Variants in IGF2BP2 observed in about 807,000 individuals in gnomAD.
The protein encoded by IGF2BP2 is insulin like growth factor 2 mRNA binding protein 2, also known as insulin-like growth factor 2 mRNA-binding protein 2.
In IGF2BP2, 17 loss-of-function variants were observed where a neutral mutation model predicts 75.8. The observed-to-expected ratio is 0.22, with a 90% confidence interval of 0.15 to 0.34. The LOEUF (loss-of-function observed/expected upper bound fraction) is 0.34. IGF2BP2 is among the 10% of genes least tolerant of loss of function. IGF2BP2 has a pLI of 1.00. For synonymous variants in IGF2BP2, 288 were observed against 295.6 expected (o/e 0.97, Z 0.26); for missense variants, 516 against 772.4 (o/e 0.67, Z 3.93).
chr3:185,647,015 A>G lies in IGF2BP2; in HGVS notation c.1707+10T>C, dbSNP rs1355108455. 1 of 1,597,384 alleles carries G rather than the reference A, an allele frequency of 6.3e-7. No individual in the cohort carries two copies. The highest frequency in any genetic ancestry group is 2.2e-5 in the East Asian group (1 of 44,802). On this transcript the variant is annotated intron_variant, in intron 15 of 15. Coordinates refer to ENST00000382199, the MANE Select transcript of IGF2BP2 (RefSeq NM_006548.6). The surrounding 1 kb of genome is among the most constrained non-coding windows in gnomAD (Gnocchi z 4.9). ...CTTGCAGGAGAGACAGGGCCCTCAC[A>G]GCACAGTACCTGGCTAGCAAAGAAG... is the stretch of plus-strand genomic sequence containing the variant.
intron 2 of IGF2BP2, chr3:185,722,457 G>A: frequency 6.0e-6 from 2 of 333,568 alleles, no homozygotes; most frequent in Non-Finnish European, 1.2e-5. Flanking sequence ...ACTTTTATGA[G>A]GAGCAGTATT....
At chr3:185,727,892 G>C (rs1236017800) in intron 2 of IGF2BP2, among the ~76,000 whole-genome samples, 1 of 152,144 alleles carries the variant, frequency 6.6e-6, no homozygotes, top group Non-Finnish European at 1.5e-5. Flanking sequence ...CTATGATGGA[G>C]CCAGGATTCC....
At chr3:185,778,206 G>T (rs1409989515) in intron 2 of IGF2BP2, among the ~76,000 whole-genome samples, 1 of 152,034 alleles carries the variant, frequency 6.6e-6, no homozygotes, top group African/African-American at 2.4e-5. Flanking sequence ...GCAGCTCAGG[G>T]CACAAGGCCA....
chr3:185,743,850 C>T (rs1224838952), intron 2 of IGF2BP2, among the ~76,000 whole-genome samples: 2 of 152,146 alleles, frequency 1.3e-5, no homozygotes, highest in African/African-American at 4.8e-5. Context: ...TTCCACCACA[C>T]GCAACAATCC....
At chr3:185,671,575 G>C (rs1184015342) in intron 10 of IGF2BP2, among the ~76,000 whole-genome samples, 2 of 151,188 alleles carry the variant, frequency 1.3e-5, no homozygotes, top group Non-Finnish European at 1.5e-5. Flanking sequence ...AAAAGATTCA[G>C]AAGAGCCATA....
intron 2 of IGF2BP2, among the ~76,000 whole-genome samples, chr3:185,746,140 T>C (rs1410707675): frequency 6.6e-6 from 1 of 152,214 alleles, no homozygotes; most frequent in African/African-American, 2.4e-5. Flanking sequence ...TACTGTTTAC[T>C]GGAAAATCTC....
intron 2 of IGF2BP2, among the ~76,000 whole-genome samples, chr3:185,801,394 CAGG>C (rs1198111572): frequency 6.7e-6 from 1 of 149,078 alleles, no homozygotes; most frequent in African/African-American, 2.5e-5. Context: ...GAGGCTGAGG[CAGG>C]AGAATTGCTT....
rs777364824 is a variant in IGF2BP2 at position 185,675,009 on chromosome 3, CTTTTTTT to C, written c.1071+280_1071+286del. ...ACCACACCCAGTTATTCTTGCTTTT[CTTTTTTT>C]TTTTTTTTTTTTTTTTATTCTTGCT... On this transcript the variant is annotated intron_variant, in intron 9 of 15. Transcript: ENST00000382199. 589 of 110,028 alleles carry C rather than the reference CTTTTTTT, an allele frequency of 5.4e-3. 4 individuals carry two copies. The highest frequency in any genetic ancestry group is 0.019 in the African/African-American group (511 of 27,356). The allele number at this position is 110,028 out of a possible 1,614,324, so 6.8% of individuals were successfully genotyped here.
At chr3:185,693,982 C>A (rs1250594107) in intron 4 of IGF2BP2, among the ~76,000 whole-genome samples, 1 of 152,132 alleles carries the variant, frequency 6.6e-6, no homozygotes, top group South Asian at 2.1e-4. Flanking sequence ...TGCAAAGGGA[C>A]CTGAGACCCC....
At chr3:185,816,136 C>T (rs1030194956) in intron 2 of IGF2BP2, among the ~76,000 whole-genome samples, 3 of 152,198 alleles carry the variant, frequency 2.0e-5, no homozygotes, top group African/African-American at 7.2e-5. Context: ...ATTCCTTGAG[C>T]TAGACTTTCA....
intron 2 of IGF2BP2, among the ~76,000 whole-genome samples, chr3:185,803,482 G>A (rs1201038154): frequency 6.6e-6 from 1 of 152,194 alleles, no homozygotes; most frequent in Non-Finnish European, 1.5e-5. Context: ...TAAGTATTCT[G>A]ATCAAAGTTA....
intron 2 of IGF2BP2, chr3:185,717,208 C>T (rs1373306978): frequency 5.7e-6 from 1 of 174,766 alleles, no homozygotes; most frequent in Non-Finnish European, 1.2e-5. Flanking sequence ...ATTGGGAGGC[C>T]ACAAACAGAA....
intron 2 of IGF2BP2, among the ~76,000 whole-genome samples, chr3:185,709,152 TATAA>T (rs200840786): frequency 0.01 from 1,547 of 152,320 alleles, 12 homozygotes; most frequent in Non-Finnish European, 0.017. Context: ...AATCCAAGTA[TATAA>T]ATGTTTGCTT....
At chr3:185,816,354 T>C (rs765360263) in intron 2 of IGF2BP2, among the ~76,000 whole-genome samples, 22 of 152,236 alleles carry the variant, frequency 1.4e-4, no homozygotes, top group Non-Finnish European at 2.9e-4. Context: ...AGACGTGCAA[T>C]GCTACCTTTA....
intron 6 of IGF2BP2, chr3:185,689,136 G>A: frequency 1.8e-6 from 1 of 570,374 alleles, no homozygotes; most frequent in Non-Finnish European, 3.1e-6. Context: ...GAGGTTATCA[G>A]TACCCTCTTT....
chr3:185,763,397 A>G (rs1732635647), intron 2 of IGF2BP2, among the ~76,000 whole-genome samples: 1 of 152,176 alleles, frequency 6.6e-6, no homozygotes, highest in African/African-American at 2.4e-5. Flanking sequence ...AAGCATTTGT[A>G]TTTCTCCTGC....
intron 2 of IGF2BP2, among the ~76,000 whole-genome samples, chr3:185,760,320 G>T (rs1732187866): frequency 6.6e-6 from 1 of 151,144 alleles, no homozygotes; most frequent in African/African-American, 2.4e-5. Flanking sequence ...AGACTCATCA[G>T]TTTTTTTTTC....
At chr3:185,742,575 C>G (rs895796126) in intron 2 of IGF2BP2, among the ~76,000 whole-genome samples, 1 of 151,456 alleles carries the variant, frequency 6.6e-6, no homozygotes, top group Admixed American at 6.6e-5. Context: ...GAGGATCACT[C>G]GAGCCCAGGA....
intron 7 of IGF2BP2, among the ~76,000 whole-genome samples, chr3:185,679,741 T>C (rs1206029097): frequency 6.6e-6 from 1 of 152,106 alleles, no homozygotes; most frequent in Non-Finnish European, 1.5e-5. Flanking sequence ...CTCAGCCTCC[T>C]GAGTAGCTGG....
Sources: gnomAD v4.1 joint callset for allele counts (sites outside exome capture counted in the v4.1 genomes callset) on GRCh38, gnomAD v4.1.1 for gene constraint, Gnocchi (gnomAD v3.1) non-coding constraint, MANE v1.5 for transcripts, NCBI Gene and HGNC (gene_info 2026-07-23, HGNC 2026-07-21) for gene names.